The following APBB1IP variants were observed in gnomAD, a reference collection of about 807,000 sequenced individuals.
The protein encoded by APBB1IP is amyloid beta precursor protein binding family B member 1 interacting protein.
A neutral mutation model predicts 64.9 loss-of-function variants in APBB1IP; 27 were observed. The observed-to-expected ratio is 0.42, with a 90% CI of 0.31 to 0.57. The LOEUF (loss-of-function observed/expected upper bound fraction) is 0.57. Ranked by LOEUF, APBB1IP falls within the 20% of genes least tolerant of loss-of-function variation. The pLI, the probability that APBB1IP is intolerant of heterozygous loss-of-function variation, is 0.20. For missense variants in APBB1IP, 812 were observed against 845.5 expected, an observed-to-expected ratio of 0.96 and a Z score of 0.49; for synonymous variants, 392 against 331.0, an observed-to-expected ratio of 1.18 and a Z score of -2.00.
At chr10:26,460,402 G>C (rs1218446129) in intron 2 of APBB1IP, among the ~76,000 whole-genome samples, 1 of 152,128 alleles carries the variant, frequency 6.6e-6, no homozygotes, top group Non-Finnish European at 1.5e-5. Flanking sequence ...GCAATGTTTA[G>C]GAGAATAAAG....
chr10:26,556,467 A>T (rs1416801349), intron 11 of APBB1IP, among the ~76,000 whole-genome samples: 2 of 152,220 alleles, frequency 1.3e-5, no homozygotes, highest in Non-Finnish European at 2.9e-5. Flanking sequence ...TCCATAGCAC[A>T]CATATAGTGT....
intron 4 of APBB1IP, among the ~76,000 whole-genome samples, chr10:26,497,459 G>C (rs891652081): frequency 3.3e-5 from 5 of 151,420 alleles, no homozygotes; most frequent in Non-Finnish European, 7.4e-5. Context: ...GCTGAGGCAG[G>C]AGAATGGTGT....
chr10:26,525,580 G>T (rs572382823), intron 8 of APBB1IP, among the ~76,000 whole-genome samples: 105 of 152,218 alleles, frequency 6.9e-4, no homozygotes, highest in Admixed American at 4.8e-3. Flanking sequence ...CCTCATAAAG[G>T]CAGCTTTAGT....
intron 2 of APBB1IP, among the ~76,000 whole-genome samples, chr10:26,466,571 T>C (rs1589194641): frequency 6.6e-6 from 1 of 151,970 alleles, no homozygotes; most frequent in Admixed American, 6.6e-5. Context: ...GTGGCCGAGG[T>C]GGGAAGATCA....
intron 8 of APBB1IP, among the ~76,000 whole-genome samples, chr10:26,520,440 G>A (rs766677): frequency 0.046 from 7,023 of 152,234 alleles, 319 homozygotes; most frequent in East Asian, 0.27. Context: ...TTATCAAACT[G>A]TAAAAAACTC....
intron 2 of APBB1IP, among the ~76,000 whole-genome samples, chr10:26,472,471 C>G (rs574005373): frequency 1.3e-5 from 2 of 152,330 alleles, no homozygotes; most frequent in Admixed American, 6.5e-5. Flanking sequence ...ACCCTCAACA[C>G]TCCTGCACTG....
At chr10:26,447,346 G>T (rs1242240315) in intron 2 of APBB1IP, among the ~76,000 whole-genome samples, 1 of 136,224 alleles carries the variant, frequency 7.3e-6, no homozygotes, top group African/African-American at 2.8e-5. Context: ...CTGCACTCCA[G>T]CCTGGGTGAC....
rs757797250 is a variant in APBB1IP at position 26,560,799 on chromosome 10, A to C, written c.1324A>C (p.Asn442His). 2 of 1,606,916 alleles carry C rather than the reference A, an allele frequency of 1.2e-6. No individual in the cohort carries two copies. Among genetic ancestry groups the C allele is most frequent in the African/African-American group, 1.3e-5 (1 of 74,188 alleles). ...AKAGLASRWT[N>H]LGTVNAAAPA... Reference sequence around the variant, plus strand: ...GGCTGGACTTGCCTCTCGGTGGACAAACTTGGGGACAGTCAATGCAGCTGC... The same window carrying C: ...GGCTGGACTTGCCTCTCGGTGGACACACTTGGGGACAGTCAATGCAGCTGC... Residue 442 changes from asparagine (N) to histidine (H), a missense_variant, in exon 13 of 15, where the codon AAC (asparagine) becomes CAC (histidine). Coordinates refer to ENST00000376236, the MANE Select transcript of APBB1IP (RefSeq NM_019043.4).
intron 2 of APBB1IP, among the ~76,000 whole-genome samples, chr10:26,479,809 T>G (rs1835814830): frequency 6.6e-6 from 1 of 152,230 alleles, no homozygotes; most frequent in Non-Finnish European, 1.5e-5. Context: ...TCAAAATTAA[T>G]TTTTAGGATT....
At chr10:26,456,524 T>A (rs540103079) in intron 2 of APBB1IP, among the ~76,000 whole-genome samples, 2 of 151,996 alleles carry the variant, frequency 1.3e-5, no homozygotes, top group African/African-American at 4.8e-5. Flanking sequence ...GTTTTGCTAC[T>A]TGAAAGAATA....
intron 2 of APBB1IP, among the ~76,000 whole-genome samples, chr10:26,450,213 A>G (rs1835449847): frequency 6.6e-6 from 1 of 152,250 alleles, no homozygotes; most frequent in African/African-American, 2.4e-5. Flanking sequence ...ATACTCAGCC[A>G]TTAAATGCGT....
chr10:26,486,483 A>G (rs1835893171), intron 2 of APBB1IP, among the ~76,000 whole-genome samples: 1 of 152,172 alleles, frequency 6.6e-6, no homozygotes, highest in South Asian at 2.1e-4. Context: ...TTACCAAGTT[A>G]AGGCGCATGG....
intron 4 of APBB1IP, among the ~76,000 whole-genome samples, chr10:26,498,324 C>T (rs965677801): frequency 6.6e-6 from 1 of 152,024 alleles, no homozygotes; most frequent in Admixed American, 6.6e-5. Flanking sequence ...GCCTGGCCAA[C>T]ATGATGAAAC....
intron 8 of APBB1IP, among the ~76,000 whole-genome samples, chr10:26,518,970 T>C (rs1309773210): frequency 1.3e-5 from 2 of 152,194 alleles, no homozygotes; most frequent in Non-Finnish European, 2.9e-5. Context: ...TATTGGGCCA[T>C]TCTCACACTG....
At chr10:26,552,468 G>A (rs1242156481) in intron 11 of APBB1IP, among the ~76,000 whole-genome samples, 2 of 151,982 alleles carry the variant, frequency 1.3e-5, no homozygotes, top group South Asian at 2.1e-4. Context: ...GTGTGGTGGT[G>A]CACACCTGTA....
In APBB1IP at chr10:26,551,216, C is replaced by A. The variant is rs541284447; in HGVS notation, c.1156-8889C>A. On this transcript the variant is annotated intron_variant, in intron 11 of 14. Transcript: ENST00000376236. ...CTCCCTCTCTTTGTCCCTTGCTGGCCTCACGTGTTTCAGCCCCGTTGGTAC... is the reference window on the plus strand; with the variant it reads ...CTCCCTCTCTTTGTCCCTTGCTGGCATCACGTGTTTCAGCCCCGTTGGTAC... 2.6e-5 allele frequency among the ~76,000 whole-genome samples: 4 copies of A among 152,350 alleles called. No homozygotes were observed. The South Asian group carries it at 8.3e-4, about 32-fold the overall frequency.
intron 2 of APBB1IP, among the ~76,000 whole-genome samples, chr10:26,476,858 T>C (rs1835782750): frequency 1.3e-5 from 2 of 152,218 alleles, no homozygotes. Flanking sequence ...TGGAGTACAA[T>C]GGCGTGATCT....
intron 2 of APBB1IP, among the ~76,000 whole-genome samples, chr10:26,477,682 C>T (rs115657952): frequency 0.013 from 1,991 of 152,278 alleles, 39 homozygotes; most frequent in African/African-American, 0.045. Flanking sequence ...AACACAAAGG[C>T]GAATAACACG....
intron 2 of APBB1IP, among the ~76,000 whole-genome samples, chr10:26,486,689 T>A (rs868143085): frequency 6.6e-6 from 1 of 152,030 alleles, no homozygotes; most frequent in Admixed American, 6.6e-5. Context: ...GCAAACTGAG[T>A]TAAATGTGTG....
Sources: gnomAD v4.1 joint callset for allele counts (sites outside exome capture counted in the v4.1 genomes callset) on GRCh38, gnomAD v4.1.1 for gene constraint, MANE v1.5 for transcripts, NCBI Gene and HGNC (gene_info 2026-07-23, HGNC 2026-07-21) for gene names.